The following FSIP1 variants were observed in gnomAD, a reference collection of about 807,000 sequenced individuals.
The protein encoded by FSIP1 is fibrous sheath interacting protein 1, also known as fibrous sheath-interacting protein 1.
A neutral mutation model predicts 60.9 loss-of-function variants in FSIP1; 65 were observed. The observed-to-expected ratio is 1.07, with a 90% CI of 0.87 to 1.31. The LOEUF is 1.31. FSIP1 is among the 40% of genes most tolerant of loss of function. The probability of loss-of-function intolerance (pLI) is 0.00; values close to 1 mark genes in which losing one functional copy is unlikely to be tolerated. For missense variants in FSIP1, 675 were observed against 665.5 expected (o/e 1.01, Z -0.16); for synonymous variants, 209 against 221.2 (o/e 0.94, Z 0.49).
At chr15:39,760,237 A>G (rs1229994737) in intron 5 of FSIP1, among the ~76,000 whole-genome samples, 1 of 152,204 alleles carries the variant, frequency 6.6e-6, no homozygotes, top group African/African-American at 2.4e-5. Flanking sequence ...ACCCAAATCT[A>G]GTGGCATATG....
At chr15:39,628,900 G>A (rs1302451907) in intron 10 of FSIP1, among the ~76,000 whole-genome samples, 1 of 152,210 alleles carries the variant, frequency 6.6e-6, no homozygotes, top group East Asian at 1.9e-4. Flanking sequence ...GCAACAATTT[G>A]CAATAGCATG....
At chr15:39,782,567 GCCCACTCCT>G (rs1302916346) in intron 1 of FSIP1, 52 bp downstream of exon 1, 1 of 133,530 alleles carries the variant, frequency 7.5e-6, no homozygotes, top group Non-Finnish European at 1.6e-5. Flanking sequence ...GCTCCGCCCC[GCCCACTCCT>G]CGGCGCACCG....
intron 10 of FSIP1, among the ~76,000 whole-genome samples, 186 bp from the exon 11 acceptor site, chr15:39,618,431 T>A (rs906753995): frequency 1.3e-5 from 2 of 152,174 alleles, no homozygotes; most frequent in African/African-American, 4.8e-5. Context: ...GCAAAATCTT[T>A]GGTTGGTGTT....
chr15:39,712,245 C>T (rs1247076521), intron 10 of FSIP1, among the ~76,000 whole-genome samples: 1 of 152,076 alleles, frequency 6.6e-6, no homozygotes. Context: ...TTCAGCTGGG[C>T]TTGATTACAA....
intron 10 of FSIP1, among the ~76,000 whole-genome samples, chr15:39,647,296 G>C (rs1208544557): frequency 1.3e-5 from 2 of 152,180 alleles, no homozygotes; most frequent in East Asian, 3.8e-4. Context: ...TATGTGAAAT[G>C]AATGTGTTAA....
intron 10 of FSIP1, among the ~76,000 whole-genome samples, chr15:39,620,652 C>T (rs764189582): frequency 3.4e-4 from 51 of 150,568 alleles, no homozygotes; most frequent in African/African-American, 6.1e-4. Context: ...AGTGCAGTGG[C>T]GCAATCGTGG....
intron 9 of FSIP1, among the ~76,000 whole-genome samples, chr15:39,720,233 C>T (rs1340700099): frequency 1.3e-5 from 2 of 151,798 alleles, no homozygotes; most frequent in Non-Finnish European, 2.9e-5. Flanking sequence ...GACAGGAAGA[C>T]ATCAAAAAAA....
intron 10 of FSIP1, among the ~76,000 whole-genome samples, chr15:39,684,031 T>G (rs1335283487): frequency 6.6e-6 from 1 of 152,196 alleles, no homozygotes; most frequent in Non-Finnish European, 1.5e-5. Flanking sequence ...ATCTATAAAT[T>G]TATGCAATCC....
intron 10 of FSIP1, among the ~76,000 whole-genome samples, chr15:39,647,258 C>A (rs866760508): frequency 6.6e-6 from 1 of 152,190 alleles, no homozygotes; most frequent in African/African-American, 2.4e-5. Flanking sequence ...TTTACGTGTT[C>A]TTTCCACACA....
chr15:39,610,881 A>G (rs1189488147), intron 11 of FSIP1, among the ~76,000 whole-genome samples: 1 of 152,224 alleles, frequency 6.6e-6, no homozygotes, highest in African/African-American at 2.4e-5. Context: ...CAGCAAAGCT[A>G]TTCCTCAGAA....
intron 5 of FSIP1, among the ~76,000 whole-genome samples, chr15:39,756,967 G>T (rs753081744): frequency 1.3e-5 from 2 of 151,988 alleles, no homozygotes; most frequent in Non-Finnish European, 2.9e-5. Flanking sequence ...GAAATACAAT[G>T]TGAACTCTAT....
chr15:39,653,918 T>C (rs908041178), intron 10 of FSIP1, among the ~76,000 whole-genome samples: 4 of 152,238 alleles, frequency 2.6e-5, no homozygotes, highest in African/African-American at 7.2e-5. Context: ...TACACTATTT[T>C]TATTTTATTT....
chr15:39,716,296 T>A (rs1258047090), intron 9 of FSIP1, among the ~76,000 whole-genome samples: 3 of 152,216 alleles, frequency 2.0e-5, no homozygotes, highest in Non-Finnish European at 4.4e-5. Flanking sequence ...AATCTACAAC[T>A]ATGATTTTTT....
intron 10 of FSIP1, among the ~76,000 whole-genome samples, chr15:39,647,238 A>G (rs2140429473): frequency 6.6e-6 from 1 of 152,296 alleles, no homozygotes; most frequent in South Asian, 2.1e-4. Flanking sequence ...TTCTTGCAAA[A>G]AGAGTAGATT....
At position 39,713,587 on chromosome 15, in the gene FSIP1, T is replaced by A. The variant is rs1168119955; in HGVS notation, c.1051-6A>T. On this transcript the variant is annotated splice_region_variant and splice_polypyrimidine_tract_variant and intron_variant, in intron 9 of 11. Transcript: ENST00000350221. ...TCACCATCACGGTCAGGTTTCTAAT[T>A]TAAAGAAAAAAAAAAAACATCATTC... is the stretch of plus-strand genomic sequence containing the variant. The A allele has an allele frequency of 2.5e-6, 4 of 1,573,330 alleles. No homozygotes were observed. Among genetic ancestry groups the A allele is most frequent in the Admixed American group, 2.1e-5 (1 of 48,780 alleles).
chr15:39,773,580 T>C (rs1219704558), intron 2 of FSIP1, among the ~76,000 whole-genome samples: 4 of 152,182 alleles, frequency 2.6e-5, no homozygotes, highest in Non-Finnish European at 4.4e-5. Context: ...CTTAAAAAAA[T>C]TGTCACCCAG....
chr15:39,698,191 G>GTA (rs3065120), intron 10 of FSIP1, among the ~76,000 whole-genome samples: 102,099 of 146,802 alleles, frequency 0.7, 37,482 homozygotes, highest in Non-Finnish European at 0.85. Context: ...AATATTAATT[G>GTA]TATATATATA....
chr15:39,774,154 C>T (rs1602543), intron 2 of FSIP1, among the ~76,000 whole-genome samples: 18,898 of 152,040 alleles, frequency 0.12, 1,834 homozygotes, highest in African/African-American at 0.26. Flanking sequence ...AATCAAAACC[C>T]CAACCGGATT....
At chr15:39,613,058 C>T (rs1891093068) in intron 11 of FSIP1, among the ~76,000 whole-genome samples, 1 of 151,856 alleles carries the variant, frequency 6.6e-6, no homozygotes, top group South Asian at 2.1e-4. Flanking sequence ...TTAAAATACA[C>T]AACTAGAAAA....
Sources: allele counts gnomAD v4.1 joint callset (sites outside exome capture counted in the v4.1 genomes callset), GRCh38; gene constraint gnomAD v4.1.1; transcripts MANE v1.5; gene names NCBI Gene and HGNC (gene_info 2026-07-23, HGNC 2026-07-21).